SOCS5: variants seen among roughly 807,000 people sequenced by gnomAD.
SOCS5 encodes the protein CIS-6.
Under a neutral mutation model 42.8 loss-of-function variants are expected in SOCS5, and 32 were observed. That is an observed-to-expected ratio of 0.75 (90% CI 0.56 to 1.01). SOCS5 has a LOEUF of 1.01. Ranked by LOEUF, SOCS5 falls within the 50% of genes least tolerant of loss-of-function variation. SOCS5 has a pLI of 0.00. For missense variants in SOCS5, 627 were observed against 653.0 expected (o/e 0.96, Z 0.43); for synonymous variants, 283 against 229.6 (o/e 1.23, Z -2.10).
intron 1 of SOCS5, among the ~76,000 whole-genome samples, chr2:46,727,937 A>AG (rs559043016): frequency 6.0e-4 from 88 of 147,294 alleles, no homozygotes; most frequent in African/African-American, 2.1e-3. Flanking sequence ...GAGTACAGAG[A>AG]GGAAAAAAAA....
In SOCS5 at chr2:46,742,726, C is replaced by T. The variant is rs537425860; in HGVS notation, c.-12-15793C>T. ...TGTCACCCAGGCTGGAGTGCAATGGCGCGATCTCGGCTCACTGCATCCTCT... is the reference window on the plus strand; with the variant it reads ...TGTCACCCAGGCTGGAGTGCAATGGTGCGATCTCGGCTCACTGCATCCTCT... On this transcript the variant is annotated intron_variant, in intron 1 of 1. Transcript: ENST00000394861. Among the ~76,000 whole-genome samples, 17 of 152,072 alleles carry T rather than the reference C, an allele frequency of 1.1e-4. No homozygotes were observed. The South Asian group carries it at 2.1e-3, about 19-fold the overall frequency.
intron 1 of SOCS5, among the ~76,000 whole-genome samples, chr2:46,710,841 C>T (rs1672605245): frequency 6.6e-6 from 1 of 152,180 alleles, no homozygotes; most frequent in Non-Finnish European, 1.5e-5. Context: ...CCATTGAGTC[C>T]TTGCTGTTTC....
At chr2:46,751,394 T>G (rs1209675254) in intron 1 of SOCS5, among the ~76,000 whole-genome samples, 1 of 152,056 alleles carries the variant, frequency 6.6e-6, no homozygotes, top group East Asian at 1.9e-4. Flanking sequence ...TGACATAGTT[T>G]ACTTAAAAAA....
intron 1 of SOCS5, among the ~76,000 whole-genome samples, chr2:46,732,286 T>C (rs1673144500): frequency 1.3e-5 from 2 of 152,220 alleles, no homozygotes; most frequent in African/African-American, 4.8e-5. Flanking sequence ...TGGAAGGAGC[T>C]GTCAGTCAGC....
At chr2:46,755,753 G>C (rs929811423) in intron 1 of SOCS5, among the ~76,000 whole-genome samples, 1 of 152,094 alleles carries the variant, frequency 6.6e-6, no homozygotes, top group African/African-American at 2.4e-5. Context: ...AAGGGTTTCA[G>C]CTCTATCTTA....
Position 46,758,544 on chromosome 2 carries a change from G to T in SOCS5, c.14G>T (p.Gly5Val), listed in dbSNP as rs770049139. MDKV[G>V]KMWNNFKYRC... The stretch of plus-strand genomic sequence containing the variant: ...ATTTTATAATCAATGGATAAAGTGG[G>T]AAAAATGTGGAATAACTTCAAATAC... Residue 5 changes from glycine (G) to valine (V), a missense_variant, in exon 2 of 2, where the codon GGA becomes GTA. This residue lies in a region of SOCS5 where 278 missense variants were observed against 246.3 expected (regional missense o/e 1.13). Coordinates refer to ENST00000394861, the MANE Select transcript of SOCS5 (RefSeq NM_144949.3). 1.9e-6 allele frequency: 3 copies of T among 1,587,232 alleles called. No individual in the cohort carries two copies. The South Asian group carries it at 3.5e-5, about 18-fold the overall frequency.
In SOCS5 at chr2:46,699,506, T is replaced by C. The variant is rs1007630785; in HGVS notation, c.-13+57T>C. On this transcript the variant is annotated intron_variant, in intron 1 of 1. Transcript: ENST00000394861. This position sits in a 1 kb window ranked among gnomAD's most constrained non-coding sequence, Gnocchi z 4.8. ...CGCCTGCTCCCCGGCCCCCGCGCCG[T>C]CGTCCGCGGCCGCCTCTCGGTGCCC... 1.1e-4 allele frequency: 16 copies of C among 151,190 alleles called. No homozygotes were observed. Among genetic ancestry groups the C allele is most frequent in the Non-Finnish European group, 1.6e-4 (11 of 67,630 alleles). 9.4% of individuals were successfully genotyped at this position (151,190 alleles called of 1,614,324 possible).
At chr2:46,730,684 T>G (rs923647379) in intron 1 of SOCS5, among the ~76,000 whole-genome samples, 1 of 152,214 alleles carries the variant, frequency 6.6e-6, no homozygotes, top group Non-Finnish European at 1.5e-5. Flanking sequence ...ATAACTAAAT[T>G]TAATTTGCAT....
intron 1 of SOCS5, among the ~76,000 whole-genome samples, chr2:46,728,961 T>A (rs190770842): frequency 6.6e-6 from 1 of 152,310 alleles, no homozygotes; most frequent in East Asian, 1.9e-4. Context: ...CCTGGGAACT[T>A]GTTAGACACA....
chr2:46,718,980 T>C (rs888408824), intron 1 of SOCS5, among the ~76,000 whole-genome samples: 1 of 152,214 alleles, frequency 6.6e-6, no homozygotes, highest in African/African-American at 2.4e-5. Flanking sequence ...CAAATGTGTA[T>C]GTTACTTATT....
chr2:46,740,650 G>C (rs1266047291), intron 1 of SOCS5, among the ~76,000 whole-genome samples: 1 of 152,152 alleles, frequency 6.6e-6, no homozygotes, highest in African/African-American at 2.4e-5. Context: ...CTGGTGGCTG[G>C]AGGTAAATCA....
At chr2:46,726,028 G>A (rs986127032) in intron 1 of SOCS5, among the ~76,000 whole-genome samples, 3 of 151,122 alleles carry the variant, frequency 2.0e-5, no homozygotes, top group Non-Finnish European at 3.0e-5. Flanking sequence ...AAAATTTTTC[G>A]TTTTTATTTT....
At chr2:46,705,585 T>C (rs1235153479) in intron 1 of SOCS5, among the ~76,000 whole-genome samples, 1 of 152,234 alleles carries the variant, frequency 6.6e-6, no homozygotes, top group East Asian at 1.9e-4. Flanking sequence ...ACCCACTGAA[T>C]GTTAAATATA....
At chr2:46,710,393 C>T (rs2103695803) in intron 1 of SOCS5, among the ~76,000 whole-genome samples, 1 of 152,344 alleles carries the variant, frequency 6.6e-6, no homozygotes, top group South Asian at 2.1e-4. Flanking sequence ...GATCCACCCA[C>T]CTCAGCCTCC....
At chr2:46,744,993 G>A (rs1673467658) in intron 1 of SOCS5, among the ~76,000 whole-genome samples, 1 of 151,028 alleles carries the variant, frequency 6.6e-6, no homozygotes, top group Non-Finnish European at 1.5e-5. Context: ...ACAAGATGTA[G>A]AATTATCCCA....
At chr2:46,750,806 A>C (rs1673605708) in intron 1 of SOCS5, among the ~76,000 whole-genome samples, 1 of 152,174 alleles carries the variant, frequency 6.6e-6, no homozygotes, top group Non-Finnish European at 1.5e-5. Context: ...ATTAAAATAG[A>C]ATAGGCTAGA....
At chr2:46,725,038 A>G (rs552420120) in intron 1 of SOCS5, among the ~76,000 whole-genome samples, 227 of 151,728 alleles carry the variant, frequency 1.5e-3, no homozygotes, top group Non-Finnish European at 2.3e-3. Context: ...ATATATTTTG[A>G]AGTTCTGTTG....
chr2:46,758,147 C>A (rs1457999284), intron 1 of SOCS5, among the ~76,000 whole-genome samples: 1 of 152,168 alleles, frequency 6.6e-6, no homozygotes, highest in Non-Finnish European at 1.5e-5. Flanking sequence ...AAGTTGAATA[C>A]AAATGTGTTT....
chr2:46,740,750 T>C (rs1416652788), intron 1 of SOCS5, among the ~76,000 whole-genome samples: 2 of 152,134 alleles, frequency 1.3e-5, no homozygotes, highest in African/African-American at 4.8e-5. Context: ...ACTGCTCCTC[T>C]TGCTGCTTCC....
Sources: gnomAD v4.1 joint callset for allele counts (sites outside exome capture counted in the v4.1 genomes callset) on GRCh38, gnomAD v4.1.1 for gene constraint, gnomAD v4.1.1 regional missense constraint, Gnocchi (gnomAD v3.1) non-coding constraint, MANE v1.5 for transcripts, NCBI Gene and HGNC (gene_info 2026-07-23, HGNC 2026-07-21) for gene names.